The following COL4A2 variants were observed in gnomAD, a reference collection of about 807,000 sequenced individuals.
The protein encoded by COL4A2 is collagen type IV alpha 2 chain.
COL4A2 carries 99 observed loss-of-function variants against 200.2 expected under a neutral mutation model. The observed-to-expected ratio is 0.49, with a 90% CI of 0.42 to 0.58. COL4A2 has a LOEUF of 0.58. COL4A2 is among the 20% of genes least tolerant of loss of function. The pLI, the probability that COL4A2 is intolerant of heterozygous loss-of-function variation, is 0.00. For synonymous variants in COL4A2, 897 were observed against 900.6 expected, an observed-to-expected ratio of 1.00 and a Z score of 0.07; for missense variants, 1,950 against 2,314.1, an observed-to-expected ratio of 0.84 and a Z score of 3.23.
intron 4 of COL4A2, among the ~76,000 whole-genome samples, chr13:110,402,233 A>C (rs555833496): frequency 8.5e-5 from 13 of 152,368 alleles, no homozygotes; most frequent in African/African-American, 3.1e-4. Context: ...ATCCTGAGGC[A>C]CATTTCTCTC....
In COL4A2 at chr13:110,506,543, C is replaced by G; in HGVS notation, c.4531C>G (p.Leu1511Val). 6.2e-7 allele frequency: 1 copy of G among 1,613,448 alleles called. No individual in the cohort carries two copies. The highest frequency in any genetic ancestry group is 1.1e-5 in the South Asian group (1 of 90,922). Residue 1511 changes from leucine to valine, a missense_variant, in exon 46 of 48, where the codon CTC becomes GTC. Coordinates refer to ENST00000360467, the MANE Select transcript of COL4A2 (RefSeq NM_001846.4). ...CATGTGCCCAGTGGGCATGAACAAA[C>G]TCTGGAGTGGATACAGCCTGCTGTA... ...EPMCPVGMNK[L>V]WSGYSLLYFE...
chr13:110,385,901 C>T (rs1431562255), intron 4 of COL4A2, among the ~76,000 whole-genome samples: 5 of 130,674 alleles, frequency 3.8e-5, no homozygotes, highest in Non-Finnish European at 8.6e-5. Context: ...GTGGATAGGC[C>T]GTGGTTACAG....
Position 110,508,228 on chromosome 13 carries a change from G to A in COL4A2, c.4881+7G>A. The A allele has an allele frequency of 1.2e-6, 2 of 1,612,930 alleles. No individual in the cohort carries two copies. Among genetic ancestry groups the A allele is most frequent in the Non-Finnish European group, 8.5e-7 (1 of 1,179,066 alleles). ...CGGATATTCCTTCCTCATGGTATGT[G>A]GTATTTGCCCAGTTCCCCTCCCCAA... On this transcript the variant is annotated splice_region_variant and intron_variant, in intron 47 of 47. Coordinates refer to ENST00000360467, the MANE Select transcript of COL4A2 (RefSeq NM_001846.4). The surrounding 1 kb of genome is among the most constrained non-coding windows in gnomAD (Gnocchi z 6.1).
intron 3 of COL4A2, among the ~76,000 whole-genome samples, chr13:110,341,408 G>A (rs1164973623): frequency 6.6e-6 from 1 of 152,228 alleles, no homozygotes; most frequent in Non-Finnish European, 1.5e-5. Flanking sequence ...ATAGTTTGTG[G>A]CTGATTAGGT....
At chr13:110,329,543 T>C (rs1185188288) in intron 3 of COL4A2, among the ~76,000 whole-genome samples, 1 of 152,194 alleles carries the variant, frequency 6.6e-6, no homozygotes, top group Non-Finnish European at 1.5e-5. Flanking sequence ...ATAGGTGTTA[T>C]CTCACTTTAT....
chr13:110,429,832 G>C (rs1383911268), intron 7 of COL4A2, 53 bp from the exon 8 acceptor site: 2 of 1,566,354 alleles, frequency 1.3e-6, no homozygotes, highest in African/African-American at 1.4e-5. Context: ...TGCACCGAAT[G>C]TTAATGGACT....
intron 18 of COL4A2, among the ~76,000 whole-genome samples, chr13:110,448,874 G>A (rs1006184295): frequency 1.4e-4 from 21 of 152,222 alleles, no homozygotes; most frequent in Admixed American, 9.8e-4. Flanking sequence ...GAAGCGCAGG[G>A]CGTTGAGTTC....
At chr13:110,467,213 T>C (rs1882279888) in intron 27 of COL4A2, 117 bp downstream of exon 27, 3 of 1,353,400 alleles carry the variant, frequency 2.2e-6, no homozygotes, top group Non-Finnish European at 3.0e-6. Flanking sequence ...GACATGGTCG[T>C]GTCCAGCATC....
intron 4 of COL4A2, among the ~76,000 whole-genome samples, chr13:110,423,951 G>A (rs1206979054): frequency 6.6e-6 from 1 of 152,170 alleles, no homozygotes; most frequent in Non-Finnish European, 1.5e-5. Context: ...TCTACCCATT[G>A]TTGGACACTT....
chr13:110,490,084 C>G (rs1158476641), intron 36 of COL4A2, among the ~76,000 whole-genome samples: 1 of 152,188 alleles, frequency 6.6e-6, no homozygotes, highest in Non-Finnish European at 1.5e-5. Context: ...GAAAAGCCAG[C>G]TAGCACCCTG....
intron 32 of COL4A2, among the ~76,000 whole-genome samples, chr13:110,484,292 A>G (rs1392682204): frequency 2.0e-5 from 3 of 152,168 alleles, no homozygotes; most frequent in East Asian, 1.9e-4. Context: ...GTAAATGCTT[A>G]GAGACTGAAG....
intron 13 of COL4A2, among the ~76,000 whole-genome samples, chr13:110,437,478 A>G (rs1438800204): frequency 1.3e-5 from 2 of 152,216 alleles, no homozygotes; most frequent in Non-Finnish European, 2.9e-5. Flanking sequence ...GGACCCGCCA[A>G]TTGCTGTTTC....
chr13:110,492,539 G>A (rs1451217481), intron 38 of COL4A2, among the ~76,000 whole-genome samples: 2 of 152,192 alleles, frequency 1.3e-5, no homozygotes, highest in African/African-American at 4.8e-5. Flanking sequence ...GGCCACCCCC[G>A]GGGCCTCCTT....
At chr13:110,317,340 A>C (rs1594141899) in intron 3 of COL4A2, among the ~76,000 whole-genome samples, 2 of 149,480 alleles carry the variant, frequency 1.3e-5, no homozygotes, top group African/African-American at 2.4e-5. Flanking sequence ...ACTTGCACCC[A>C]CACACACACA....
chr13:110,381,084 A>T (rs1878468813), intron 4 of COL4A2, among the ~76,000 whole-genome samples: 1 of 126,866 alleles, frequency 7.9e-6, no homozygotes, highest in South Asian at 2.7e-4. Context: ...TCTCACACCC[A>T]TGGGTCTCTA....
chr13:110,420,324 G>A (rs781392771), intron 4 of COL4A2, among the ~76,000 whole-genome samples: 11 of 152,128 alleles, frequency 7.2e-5, no homozygotes, highest in Admixed American at 3.3e-4. Context: ...TTGTAACAAC[G>A]CATCATCTCA....
At chr13:110,436,551 A>G (rs1880894880) in intron 13 of COL4A2, among the ~76,000 whole-genome samples, 184 bp downstream of exon 13, 1 of 151,520 alleles carries the variant, frequency 6.6e-6, no homozygotes, top group South Asian at 2.1e-4. Context: ...CGGTTACTAG[A>G]TTCACAGTGC....
At chr13:110,409,293 A>G (rs1468721888) in intron 4 of COL4A2, among the ~76,000 whole-genome samples, 2 of 152,222 alleles carry the variant, frequency 1.3e-5, no homozygotes, top group Admixed American at 6.5e-5. Flanking sequence ...TACGAAGCTG[A>G]CCACCCAGGC....
At chr13:110,405,922 A>G (rs1261489723) in intron 4 of COL4A2, among the ~76,000 whole-genome samples, 1 of 152,174 alleles carries the variant, frequency 6.6e-6, no homozygotes, top group Non-Finnish European at 1.5e-5. Flanking sequence ...GTGAAGAACA[A>G]CTGAAAACAA....
Sources: gnomAD v4.1 joint callset for allele counts (sites outside exome capture counted in the v4.1 genomes callset) on GRCh38, gnomAD v4.1.1 for gene constraint, Gnocchi (gnomAD v3.1) non-coding constraint, MANE v1.5 for transcripts, NCBI Gene and HGNC (gene_info 2026-07-23, HGNC 2026-07-21) for gene names.